EYA3: variants seen among roughly 807,000 people sequenced by gnomAD.
The protein encoded by EYA3 is EYA transcriptional coactivator and phosphatase 3, also known as protein phosphatase EYA3.
A neutral mutation model predicts 80.0 loss-of-function variants in EYA3; 39 were observed. The observed-to-expected ratio is 0.49, with a 90% CI of 0.38 to 0.64. The LOEUF (loss-of-function observed/expected upper bound fraction) is 0.64. Among genes scored for constraint, EYA3 ranks in the 30% least tolerant of loss-of-function variants. The pLI is 0.00. For missense variants in EYA3, 523 were observed against 676.1 expected (o/e 0.77, Z 2.51); for synonymous variants, 206 against 232.8 (o/e 0.88, Z 1.05).
At chr1:28,080,378 G>A (rs1440630674) in intron 1 of EYA3, among the ~76,000 whole-genome samples, 1 of 152,074 alleles carries the variant, frequency 6.6e-6, no homozygotes, top group Non-Finnish European at 1.5e-5. Flanking sequence ...GATCACCTGA[G>A]CCCAGGAGGT....
At chr1:28,056,918 T>G (rs1384229409) in intron 2 of EYA3, among the ~76,000 whole-genome samples, 1 of 152,212 alleles carries the variant, frequency 6.6e-6, no homozygotes, top group African/African-American at 2.4e-5. Flanking sequence ...TTCAGCTATT[T>G]GTTCCAGTAG....
At chr1:28,062,670 G>GTGTGTGTGTGTGTGTGTT (rs1553155547) in intron 1 of EYA3, among the ~76,000 whole-genome samples, 4 of 151,332 alleles carry the variant, frequency 2.6e-5, no homozygotes, top group Non-Finnish European at 5.9e-5. Context: ...GTGTGTGTGT[G>GTGTGTGTGTGTGTGTGTT]TGTGTGTGTG....
At chr1:28,024,134 G>A (rs1642628163) in intron 7 of EYA3, among the ~76,000 whole-genome samples, 1 of 152,134 alleles carries the variant, frequency 6.6e-6, no homozygotes, top group Non-Finnish European at 1.5e-5. Flanking sequence ...AGCTACTCAG[G>A]AGGCTGAGGC....
chr1:27,995,137 G>A (rs1452803677), intron 13 of EYA3, among the ~76,000 whole-genome samples: 1 of 151,904 alleles, frequency 6.6e-6, no homozygotes, highest in Non-Finnish European at 1.5e-5. Context: ...GGGTGTGGTG[G>A]CTCATGTCTA....
At chr1:27,994,340 T>G (rs1213350950) in intron 13 of EYA3, among the ~76,000 whole-genome samples, 1 of 152,176 alleles carries the variant, frequency 6.6e-6, no homozygotes. Flanking sequence ...CAGCTCCAGT[T>G]AAGCTTTCAG....
At chr1:28,031,918 G>A (rs922820685) in intron 6 of EYA3, 1 of 151,766 alleles carries the variant, frequency 6.6e-6, no homozygotes, top group African/African-American at 2.4e-5. Flanking sequence ...CCACGCCGGA[G>A]TGCAGTGGCT....
chr1:28,028,052 G>A (rs1180150767), intron 6 of EYA3, 126 bp from the exon 7 acceptor site: 1 of 1,096,130 alleles, frequency 9.1e-7, no homozygotes, highest in Non-Finnish European at 1.3e-6. Flanking sequence ...TTGCTTGTAA[G>A]AGAAAATTAT....
At chr1:28,066,732 AGATTAAAATAT>A (rs1644849817) in intron 1 of EYA3, among the ~76,000 whole-genome samples, 1 of 152,170 alleles carries the variant, frequency 6.6e-6, no homozygotes, top group South Asian at 2.1e-4. Context: ...AACAAATCTA[AGATTAAAATAT>A]TATAAATTCA....
chr1:27,977,186 A>C (rs1168052435), intron 17 of EYA3: 1 of 1,464,470 alleles, frequency 6.8e-7, no homozygotes, highest in African/African-American at 1.4e-5. Flanking sequence ...TTAGAATCAA[A>C]GCTTCATAAC....
intron 14 of EYA3, among the ~76,000 whole-genome samples, chr1:27,991,092 C>T (rs938941762): frequency 6.6e-6 from 1 of 152,096 alleles, no homozygotes; most frequent in East Asian, 1.9e-4. Flanking sequence ...GACTGGTTGA[C>T]CACACTTTGA....
At chr1:28,034,347 A>C (rs1486287983) in intron 6 of EYA3, among the ~76,000 whole-genome samples, 14 of 152,160 alleles carry the variant, frequency 9.2e-5, no homozygotes, top group Non-Finnish European at 2.9e-5. Flanking sequence ...TCAACTGTTG[A>C]AAAATCAGCT....
chr1:28,070,702 A>AAC, intron 1 of EYA3, among the ~76,000 whole-genome samples: 2 of 152,338 alleles, frequency 1.3e-5, no homozygotes, highest in African/African-American at 4.8e-5. Flanking sequence ...TTGCCTCTCT[A>AAC]ATGAAAGTGT....
intron 16 of EYA3, among the ~76,000 whole-genome samples, chr1:27,979,455 C>T (rs1639161868): frequency 1.3e-5 from 2 of 152,114 alleles, no homozygotes; most frequent in Admixed American, 6.5e-5. Context: ...TGAAATTGAC[C>T]TTGGGAAATG....
intron 5 of EYA3, 54 bp downstream of exon 5, chr1:28,038,785 G>T (rs1643609353): frequency 1.0e-6 from 1 of 977,996 alleles, no homozygotes; most frequent in Non-Finnish European, 1.5e-6. Flanking sequence ...ATTAAATTTT[G>T]CAATGAATCT....
At chr1:28,080,414 G>A (rs1314003796) in intron 1 of EYA3, among the ~76,000 whole-genome samples, 2 of 152,114 alleles carry the variant, frequency 1.3e-5, no homozygotes, top group African/African-American at 2.4e-5. Context: ...CCGTGATAGC[G>A]TCACTACGCT....
rs958755235 is a variant in EYA3 at position 27,971,252 on chromosome 1, C to CT, written c.*3213dup. 2.6e-5 allele frequency: 4 copies of CT among 152,374 alleles called. No individual in the cohort carries two copies. The highest frequency in any genetic ancestry group is 9.6e-5 in the African/African-American group (4 of 41,510). The allele number at this position is 152,374 out of a possible 1,614,324, so 9.4% of individuals were successfully genotyped here. Reference sequence around the variant, plus strand: ...CAAGACACACCTCACTCCAGATCTACTACTAGAGAGAGCCCTCACCGTGAC... The same window carrying CT: ...CAAGACACACCTCACTCCAGATCTACTTACTAGAGAGAGCCCTCACCGTGAC... On this transcript the variant is annotated 3_prime_UTR_variant, in exon 18 of 18. Transcript: ENST00000373871.
At chr1:28,046,270 A>G (rs1390617249) in intron 3 of EYA3, among the ~76,000 whole-genome samples, 4 of 152,184 alleles carry the variant, frequency 2.6e-5, no homozygotes, top group Admixed American at 6.5e-5. Flanking sequence ...TTATCATAGT[A>G]AAAAAATTGC....
chr1:28,032,090 C>T (rs1322974978), intron 6 of EYA3: 1 of 152,192 alleles, frequency 6.6e-6, no homozygotes, highest in Non-Finnish European at 1.5e-5. Context: ...CAGCATAGCG[C>T]ACTACAGCCC....
At chr1:27,982,947 G>A (rs1273459564) in intron 16 of EYA3, among the ~76,000 whole-genome samples, 5 of 152,116 alleles carry the variant, frequency 3.3e-5, no homozygotes, top group African/African-American at 7.2e-5. Context: ...TCTGTTGTTT[G>A]AATATATCTA....
Sources: gnomAD v4.1 joint callset for allele counts (sites outside exome capture counted in the v4.1 genomes callset) on GRCh38, gnomAD v4.1.1 for gene constraint, MANE v1.5 for transcripts, NCBI Gene and HGNC (gene_info 2026-07-23, HGNC 2026-07-21) for gene names.